Variants in FSD1L observed in about 807,000 individuals in gnomAD.
FSD1L encodes the protein FSD1-like protein.
In FSD1L, 45 loss-of-function variants were observed where a neutral mutation model predicts 71.6. The ratio of observed to expected loss-of-function variants is 0.63; its 90% CI spans 0.49 to 0.81. The LOEUF (loss-of-function observed/expected upper bound fraction) is 0.81. Among genes scored for constraint, FSD1L ranks in the 30% least tolerant of loss-of-function variants. The pLI is 0.00. For missense variants in FSD1L, 561 were observed against 618.1 expected, an observed-to-expected ratio of 0.91 and a Z score of 0.98; for synonymous variants, 197 against 207.2, an observed-to-expected ratio of 0.95 and a Z score of 0.42.
intron 1 of FSD1L, among the ~76,000 whole-genome samples, chr9:105,449,061 T>A (rs1423448976): frequency 6.6e-6 from 1 of 152,190 alleles, no homozygotes; most frequent in African/African-American, 2.4e-5. Flanking sequence ...AATTGAAATA[T>A]AGTACAGGGT....
Position 105,534,537 on chromosome 9 carries a change from C to T in FSD1L, c.1070C>T (p.Pro357Leu), listed in dbSNP as rs1255401845. ...AAACGAACATCTGTAGGCTCCAGGC[C>T]ACCAGCAGTAAGAGGCAGTAGAGAT... ...SPKRTSVGSR[P>L]PAVRGSRDRF... Residue 357 changes from proline to leucine, a missense_variant, in exon 11 of 14, where the codon CCA becomes CTA. Transcript: ENST00000481272. 1.9e-6 allele frequency: 3 copies of T among 1,551,126 alleles called. No individual in the cohort carries two copies.
chr9:105,535,022 C>G (rs1358371914), intron 11 of FSD1L, 45 bp from the exon 12 acceptor site: 1 of 1,545,398 alleles, frequency 6.5e-7, no homozygotes, highest in East Asian at 2.4e-5. Context: ...CTGTGTGACT[C>G]ATAAGGAAGA....
At chr9:105,525,711 C>G (rs1371907880) in intron 10 of FSD1L, 2 of 1,605,720 alleles carry the variant, frequency 1.2e-6, no homozygotes, top group African/African-American at 2.7e-5. Flanking sequence ...GACAAGAAGA[C>G]AAACACTCCA....
chr9:105,479,500 T>A, intron 6 of FSD1L, 124 bp downstream of exon 6: 1 of 755,144 alleles, frequency 1.3e-6, no homozygotes. Context: ...AAGTACAAAA[T>A]AAAATGTCCT....
chr9:105,459,775 CA>C (rs1460988434), intron 1 of FSD1L, among the ~76,000 whole-genome samples: 4 of 152,150 alleles, frequency 2.6e-5, no homozygotes, highest in Admixed American at 6.5e-5. Flanking sequence ...GCTGGGGTTC[CA>C]GAGTCCTCTA....
intron 7 of FSD1L, among the ~76,000 whole-genome samples, chr9:105,489,998 A>G (rs1185398430): frequency 6.6e-6 from 1 of 152,198 alleles, no homozygotes; most frequent in African/African-American, 2.4e-5. Context: ...AGCATGATTT[A>G]TAGTCCTTTG....
Position 105,550,472 on chromosome 9 carries a change from G to A in FSD1L, c.*3989G>A, listed in dbSNP as rs532090203. ...GCACTGGAGTATTATAAGAGATCAT[G>A]AATGTTTCCTTAATTATCATGGCAA... On this transcript the variant is annotated 3_prime_UTR_variant, in exon 14 of 14. Transcript: ENST00000481272. 6.6e-6 allele frequency: 1 copy of A among 152,000 alleles called. No individual in the cohort carries two copies. The highest frequency in any genetic ancestry group is 1.5e-5 in the Non-Finnish European group (1 of 67,904). The allele number at this position is 152,000 out of a possible 1,614,324, so 9.4% of individuals were successfully genotyped here.
rs553963234 is a variant in FSD1L at position 105,494,796 on chromosome 9, C to T, written c.586+10294C>T. Among the ~76,000 whole-genome samples the T allele has an allele frequency of 2.7e-3, 411 of 152,282 alleles. 2 individuals are homozygous for T. The highest frequency in any genetic ancestry group is 9.4e-3 in the African/African-American group (391 of 41,550). On this transcript the variant is annotated intron_variant, in intron 7 of 13. Transcript: ENST00000481272. ...ACCCTGTTTGCCTGGGTACCAGCAG[C>T]GGTGGCTGCAGAACAGTGGATTTTC...
At chr9:105,529,640 G>C (rs955502559) in intron 10 of FSD1L, among the ~76,000 whole-genome samples, 5 of 152,056 alleles carry the variant, frequency 3.3e-5, no homozygotes, top group Admixed American at 3.3e-4. Context: ...TCTAGAGGTG[G>C]AATAGCATTA....
intron 10 of FSD1L, chr9:105,524,388 T>C (rs987154012): frequency 3.7e-6 from 6 of 1,613,846 alleles, no homozygotes; most frequent in Non-Finnish European, 5.1e-6. Context: ...TACAGAGGCT[T>C]CATCTTATGA....
rs201071895 is a variant in FSD1L at position 105,497,433 on chromosome 9, A to G, written c.587-8966A>G. Among the ~76,000 whole-genome samples the G allele has an allele frequency of 2.6e-5, 4 of 152,240 alleles. No individual in the cohort carries two copies. The East Asian group carries it at 7.7e-4, about 29-fold the overall frequency. On this transcript the variant is annotated intron_variant, in intron 7 of 13. Coordinates refer to ENST00000481272, the MANE Select transcript of FSD1L (RefSeq NM_001145313.3). ...TTCTCTTCTGCAAGAGATTGTAGAGAGTTAGTGTACTTTTGTCCTGAAAAG... is the reference window on the plus strand; with the variant it reads ...TTCTCTTCTGCAAGAGATTGTAGAGGGTTAGTGTACTTTTGTCCTGAAAAG...
intron 10 of FSD1L, chr9:105,525,625 C>G: frequency 6.2e-7 from 1 of 1,612,346 alleles, no homozygotes; most frequent in Non-Finnish European, 8.5e-7. Flanking sequence ...TGAAAAGCTA[C>G]TTAGAGAACT....
intron 7 of FSD1L, among the ~76,000 whole-genome samples, chr9:105,495,915 T>A (rs1158091535): frequency 6.7e-6 from 1 of 149,266 alleles, no homozygotes; most frequent in Non-Finnish European, 1.5e-5. Flanking sequence ...GAGCTTGCAG[T>A]GAGCCGAGAT....
intron 13 of FSD1L, among the ~76,000 whole-genome samples, chr9:105,540,509 ATTC>A (rs1286333558): frequency 1.3e-5 from 2 of 152,168 alleles, no homozygotes; most frequent in African/African-American, 2.4e-5. Context: ...TCATGAAAAT[ATTC>A]TTCTAAAAGC....
intron 9 of FSD1L, among the ~76,000 whole-genome samples, chr9:105,512,367 A>G (rs1834444434): frequency 6.6e-6 from 1 of 152,096 alleles, no homozygotes; most frequent in Non-Finnish European, 1.5e-5. Flanking sequence ...ATTAAATATT[A>G]GAGTATCAGA....
chr9:105,481,099 T>A, intron 6 of FSD1L, among the ~76,000 whole-genome samples: 1 of 149,740 alleles, frequency 6.7e-6, no homozygotes, highest in East Asian at 2.0e-4. Context: ...CTTGATTTCA[T>A]AAGTATCCAG....
chr9:105,506,653 G>T (rs1834068467), intron 8 of FSD1L, 45 bp downstream of exon 8: 4 of 1,310,450 alleles, frequency 3.1e-6, no homozygotes, highest in Admixed American at 2.0e-5. Flanking sequence ...GAAGATAAAT[G>T]TATTGTTGAA....
At position 105,522,212 on chromosome 9, in the gene FSD1L, C is replaced by T; in HGVS notation, c.1025+9276C>T. Reference sequence around the variant, plus strand: ...TACTGTCAGTATTGTCATCGTTGACCTATTGGGAAGAGTTGGCCACTGAGT... The same window carrying T: ...TACTGTCAGTATTGTCATCGTTGACTTATTGGGAAGAGTTGGCCACTGAGT... On this transcript the variant is annotated intron_variant, in intron 10 of 13. Coordinates refer to ENST00000481272, the MANE Select transcript of FSD1L (RefSeq NM_001145313.3). 17 of 1,613,786 alleles carry T rather than the reference C, an allele frequency of 1.1e-5. No individual in the cohort carries two copies. In the South Asian group the frequency reaches 1.6e-4, roughly 16 times the overall value.
In FSD1L at chr9:105,506,485, A is replaced by C; in HGVS notation, c.673A>C (p.Asn225His). The C allele has an allele frequency of 6.4e-7, 1 of 1,551,536 alleles. No individual in the cohort carries two copies. Among genetic ancestry groups the C allele is most frequent in the Middle Eastern group, 1.7e-4 (1 of 5,992 alleles). Reference sequence around the variant, plus strand: ...GGCTTGGAGAATGCCAGAAGAAGATAATAAGATTGACCATTTTATACTGGA... The same window carrying C: ...GGCTTGGAGAATGCCAGAAGAAGATCATAAGATTGACCATTTTATACTGGA... ...TVAWRMPEED[N>H]KIDHFILEHR... Residue 225 changes from asparagine (N) to histidine (H), a missense_variant, in exon 8 of 14, where the codon AAT (asparagine) becomes CAT (histidine). Transcript: ENST00000481272.
Sources: allele counts gnomAD v4.1 joint callset (sites outside exome capture counted in the v4.1 genomes callset), GRCh38; gene constraint gnomAD v4.1.1; transcripts MANE v1.5; gene names NCBI Gene and HGNC (gene_info 2026-07-23, HGNC 2026-07-21).